The following SIK2 variants were observed in gnomAD, a reference collection of about 807,000 sequenced individuals.
SIK2 encodes the protein salt inducible kinase 2, also known as serine/threonine-protein kinase SIK2.
SIK2 carries 29 observed loss-of-function variants against 103.2 expected under a neutral mutation model. That is an observed-to-expected ratio of 0.28 (90% confidence interval 0.21 to 0.38). The LOEUF (loss-of-function observed/expected upper bound fraction) is 0.38. Ranked by LOEUF, SIK2 falls within the 10% of genes least tolerant of loss-of-function variation. The probability of loss-of-function intolerance (pLI) is 1.00; values close to 1 mark genes in which losing one functional copy is unlikely to be tolerated. For synonymous variants in SIK2, 412 were observed against 446.1 expected (o/e 0.92, Z 0.96); for missense variants, 879 against 1,171.0 (o/e 0.75, Z 3.64).
At chr11:111,671,682 C>T in intron 3 of SIK2, 1 of 379,476 alleles carries the variant, frequency 2.6e-6, no homozygotes, top group Non-Finnish European at 5.1e-6. Flanking sequence ...TCTGGGACAG[C>T]AGCTCCTGGA....
At chr11:111,709,118 C>T (rs1341235587) in intron 8 of SIK2, among the ~76,000 whole-genome samples, 3 of 152,170 alleles carry the variant, frequency 2.0e-5, no homozygotes, top group East Asian at 1.9e-4. Flanking sequence ...TTCGGGAGGC[C>T]GGAAATCAGG....
At chr11:111,693,104 T>C (rs7108210) in intron 4 of SIK2, among the ~76,000 whole-genome samples, 141,695 of 152,098 alleles carry the variant, frequency 0.93, 66,167 homozygotes, top group East Asian at 1. Flanking sequence ...GGGGCCAAGG[T>C]GGGCGGATCA....
chr11:111,614,275 C>T (rs748438327), intron 1 of SIK2, among the ~76,000 whole-genome samples: 3 of 151,902 alleles, frequency 2.0e-5, no homozygotes, highest in South Asian at 2.1e-4. Flanking sequence ...GTAGAGACAG[C>T]GTTTCACCAT....
At chr11:111,692,388 A>C (rs1030733197) in intron 4 of SIK2, among the ~76,000 whole-genome samples, 31 of 110,988 alleles carry the variant, frequency 2.8e-4, no homozygotes, top group Middle Eastern at 4.9e-3. Context: ...AAAAAAAAAA[A>C]CACAAAAAGG....
At chr11:111,675,321 C>A (rs2135883719) in intron 3 of SIK2, among the ~76,000 whole-genome samples, 1 of 152,318 alleles carries the variant, frequency 6.6e-6, no homozygotes, top group Middle Eastern at 3.4e-3. Context: ...GGAGGCATTA[C>A]AAAGTCACGT....
chr11:111,623,008 T>G (rs1327002002), intron 3 of SIK2, among the ~76,000 whole-genome samples: 1 of 152,224 alleles, frequency 6.6e-6, no homozygotes, highest in East Asian at 1.9e-4. Flanking sequence ...TTCCACCCCC[T>G]CTCTTCTCCT....
Position 111,701,874 on chromosome 11 carries a change from G to A in SIK2, c.727+299G>A, listed in dbSNP as rs1181859122. ...TTTAACGAAGCCCTTTGTAGATACA[G>A]ATTCACAACCATTTTACTCCAATAT... On this transcript the variant is annotated intron_variant, in intron 6 of 14. Transcript: ENST00000304987. The surrounding 1 kb of genome is among the most constrained non-coding windows in gnomAD (Gnocchi z 4.2). Among the ~76,000 whole-genome samples the A allele has an allele frequency of 6.6e-6, 1 of 152,080 alleles. No individual in the cohort carries two copies. The highest frequency in any genetic ancestry group is 2.4e-5 in the African/African-American group (1 of 41,400).
intron 4 of SIK2, among the ~76,000 whole-genome samples, chr11:111,692,863 A>T (rs1942980490): frequency 6.6e-6 from 1 of 152,230 alleles, no homozygotes; most frequent in Non-Finnish European, 1.5e-5. Flanking sequence ...AAATAAGCTG[A>T]ATAAATGAAC....
At chr11:111,665,212 T>C (rs1942519904) in intron 3 of SIK2, among the ~76,000 whole-genome samples, 1 of 151,584 alleles carries the variant, frequency 6.6e-6, no homozygotes, top group Non-Finnish European at 1.5e-5. Context: ...GTAGGAGATA[T>C]TAGAATCAAC....
At chr11:111,637,861 G>A (rs182281463) in intron 3 of SIK2, among the ~76,000 whole-genome samples, 10 of 151,768 alleles carry the variant, frequency 6.6e-5, no homozygotes, top group African/African-American at 2.4e-4. Context: ...TCATTTCTTC[G>A]TGTAGTCTTT....
At chr11:111,643,904 G>T (rs1398742704) in intron 3 of SIK2, among the ~76,000 whole-genome samples, 1 of 151,976 alleles carries the variant, frequency 6.6e-6, no homozygotes, top group Admixed American at 6.6e-5. Flanking sequence ...GATCACTTGA[G>T]CCCAGGAGGT....
At chr11:111,628,144 A>T (rs1307692181) in intron 3 of SIK2, among the ~76,000 whole-genome samples, 1 of 152,182 alleles carries the variant, frequency 6.6e-6, no homozygotes, top group East Asian at 1.9e-4. Flanking sequence ...TATTCCTCGC[A>T]TAGGTCTATT....
At chr11:111,640,145 T>C (rs989838075) in intron 3 of SIK2, among the ~76,000 whole-genome samples, 5 of 152,214 alleles carry the variant, frequency 3.3e-5, no homozygotes, top group South Asian at 4.1e-4. Flanking sequence ...CATAGAACTC[T>C]CTTGCTGTTT....
rs989388506 is a variant in SIK2 at position 111,726,992 on chromosome 11, T to G, written c.*2863T>G. On this transcript the variant is annotated 3_prime_UTR_variant, in exon 15 of 15. Transcript: ENST00000304987. ...AGTCTGTGCTTTGGGAGAAATGCAC[T>G]AGCTCTGCAATTCCCAGCTGGGCAA... is the stretch of plus-strand genomic sequence containing the variant. 8.1e-6 allele frequency: 13 copies of G among 1,614,044 alleles called. No homozygotes were observed. In the African/African-American group the frequency reaches 1.5e-4, roughly 18 times the overall value.
At chr11:111,655,314 G>A (rs1318160658) in intron 3 of SIK2, among the ~76,000 whole-genome samples, 1 of 152,158 alleles carries the variant, frequency 6.6e-6, no homozygotes, top group Non-Finnish European at 1.5e-5. Flanking sequence ...AGAGGCGAGA[G>A]AATTGCTTGA....
At chr11:111,671,192 C>A in intron 3 of SIK2, 2 of 259,346 alleles carry the variant, frequency 7.7e-6, no homozygotes, top group South Asian at 9.6e-5. Context: ...TTCTGCATCC[C>A]AGACTCCAGC....
At chr11:111,617,881 T>C (rs1205105327) in intron 2 of SIK2, among the ~76,000 whole-genome samples, 6 of 147,732 alleles carry the variant, frequency 4.1e-5, no homozygotes, top group Admixed American at 6.8e-5. Context: ...CACACACACA[T>C]ATATTTGGCA....
At chr11:111,628,416 A>ATCTTTCTTTCTTTCTTTCTTTCTTTCTT (rs112377118) in intron 3 of SIK2, among the ~76,000 whole-genome samples, 14,624 of 125,574 alleles carry the variant, frequency 0.12, 2,269 homozygotes, top group East Asian at 0.22. Context: ...CCGCTTTCAT[A>ATCTTTCTTTCTTTCTTTCTTTCTTTCTT]TCTTTCTTTC....
intron 4 of SIK2, among the ~76,000 whole-genome samples, chr11:111,692,753 T>C (rs1942978178): frequency 6.6e-6 from 1 of 152,092 alleles, no homozygotes; most frequent in Non-Finnish European, 1.5e-5. Flanking sequence ...AAAATAGGGC[T>C]CTGTGGGAAG....
Sources: gnomAD v4.1 joint callset for allele counts (sites outside exome capture counted in the v4.1 genomes callset) on GRCh38, gnomAD v4.1.1 for gene constraint, Gnocchi (gnomAD v3.1) non-coding constraint, MANE v1.5 for transcripts, NCBI Gene and HGNC (gene_info 2026-07-23, HGNC 2026-07-21) for gene names.